The following PKIB variants were observed in gnomAD, a reference collection of about 807,000 sequenced individuals.
PKIB encodes PKI-beta.
PKIB carries 2 observed loss-of-function variants against 4.5 expected under a neutral mutation model. The ratio of observed to expected loss-of-function variants is 0.44; its 90% CI spans 0.18 to 1.39. PKIB has a LOEUF of 1.39. Among genes scored for constraint, PKIB ranks in the 40% most tolerant of loss-of-function variants. The probability of loss-of-function intolerance (pLI) is 0.27; values close to 1 mark genes in which losing one functional copy is unlikely to be tolerated. For missense variants in PKIB, 94 were observed against 92.6 expected (o/e 1.02, Z -0.06); for synonymous variants, 38 against 36.0 (o/e 1.06, Z -0.20).
chr6:122,659,514 G>A (rs1024674189), intron 2 of PKIB, among the ~76,000 whole-genome samples: 1 of 151,982 alleles, frequency 6.6e-6, no homozygotes, highest in South Asian at 2.1e-4. Context: ...CCCCACAAAA[G>A]TACTGAGTAA....
At chr6:122,598,102 G>C (rs1055247912) in intron 3 of PKIB, among the ~76,000 whole-genome samples, 3 of 152,176 alleles carry the variant, frequency 2.0e-5, no homozygotes, top group Admixed American at 6.5e-5. Context: ...TGGCAATGTA[G>C]TGGAGTCCTT....
At chr6:122,533,645 C>T (rs1362919156) in intron 2 of PKIB, among the ~76,000 whole-genome samples, 3 of 152,040 alleles carry the variant, frequency 2.0e-5, no homozygotes, top group East Asian at 1.9e-4. Flanking sequence ...AAAATCAATG[C>T]GAGAACAACT....
At chr6:122,668,969 C>T (rs1428152943) in intron 2 of PKIB, among the ~76,000 whole-genome samples, 1 of 152,206 alleles carries the variant, frequency 6.6e-6, no homozygotes, top group Non-Finnish European at 1.5e-5. Context: ...TATCCCAAAA[C>T]TTTAGGAGAC....
chr6:122,485,543 C>T (rs1199173517), intron 2 of PKIB, among the ~76,000 whole-genome samples: 1 of 152,166 alleles, frequency 6.6e-6, no homozygotes, highest in Non-Finnish European at 1.5e-5. Flanking sequence ...AGGATAGCAT[C>T]AGTCGTGTGT....
upstream of PKIB, among the ~76,000 whole-genome samples, chr6:122,606,571 C>CAAAAAAAAGA (rs10695767): frequency 8.4e-6 from 1 of 119,576 alleles, no homozygotes; most frequent in Non-Finnish European, 1.7e-5. Context: ...GACTCTGTCT[C>CAAAAAAAAGA]AAAAAAGAAA....
chr6:122,646,616 G>GA (rs897985265), intron 2 of PKIB, among the ~76,000 whole-genome samples: 4 of 152,214 alleles, frequency 2.6e-5, no homozygotes, highest in Admixed American at 1.3e-4. Flanking sequence ...TTCGATAGAG[G>GA]AAAAAATCCG....
chr6:122,591,387 A>G (rs1331558858), intron 3 of PKIB, among the ~76,000 whole-genome samples: 3 of 152,120 alleles, frequency 2.0e-5, no homozygotes, highest in African/African-American at 7.2e-5. Context: ...TCTATTCACC[A>G]TTCTTTGCAT....
intron 2 of PKIB, among the ~76,000 whole-genome samples, chr6:122,651,020 T>C (rs1386412532): frequency 6.6e-6 from 1 of 152,128 alleles, no homozygotes; most frequent in Admixed American, 6.6e-5. Context: ...TGGGATGATA[T>C]CAATAAATTC....
chr6:122,617,787 G>C (rs995576551), intron 1 of PKIB, among the ~76,000 whole-genome samples: 3 of 152,038 alleles, frequency 2.0e-5, no homozygotes, highest in African/African-American at 7.2e-5. Flanking sequence ...CATAAGGACT[G>C]TTAAAAAGAT....
At chr6:122,713,557 GTGT>G (rs2115060556) in intron 3 of PKIB, among the ~76,000 whole-genome samples, 1 of 152,216 alleles carries the variant, frequency 6.6e-6, no homozygotes, top group South Asian at 2.1e-4. Context: ...TGTGCAATCG[GTGT>G]TGTATAGAAA....
rs202212013 is a variant in PKIB, at chr6:122,719,716, TACACACACACAC to T, written c.169+1795_169+1806del. On this transcript the variant is annotated intron_variant, in intron 4 of 4. Coordinates refer to ENST00000368452, the MANE Select transcript of PKIB (RefSeq NM_181795.3). The stretch of plus-strand genomic sequence containing the variant: ...AGATTGTGAGTGTTCCCACCACACA[TACACACACACAC>T]ACACACACACACACACACACACACA... Among the ~76,000 whole-genome samples the T allele has an allele frequency of 9.3e-4, 124 of 132,892 alleles. 1 individual carries two copies. In the Middle Eastern group the frequency reaches 0.012, roughly 12 times the overall value. The allele number at this position is 132,892 out of a possible 152,430, so 87.2% of individuals were successfully genotyped here.
intron 2 of PKIB, among the ~76,000 whole-genome samples, chr6:122,503,762 C>A (rs1411294085): frequency 2.0e-5 from 3 of 152,132 alleles, no homozygotes; most frequent in African/African-American, 7.2e-5. Flanking sequence ...TGGTGAGACA[C>A]AGTGATTTTT....
At chr6:122,575,720 CG>C (rs1476175186) in intron 2 of PKIB, among the ~76,000 whole-genome samples, 1 of 152,010 alleles carries the variant, frequency 6.6e-6, no homozygotes, top group Non-Finnish European at 1.5e-5. Flanking sequence ...TAAGCTACAA[CG>C]ATGCAAAGGC....
chr6:122,613,703 T>C (rs1230180564), intron 1 of PKIB, among the ~76,000 whole-genome samples: 1 of 152,090 alleles, frequency 6.6e-6, no homozygotes, highest in Non-Finnish European at 1.5e-5. Flanking sequence ...TGGTGGCTCA[T>C]GCCTGTAATC....
chr6:122,520,322 A>G (rs1236697585), intron 2 of PKIB, among the ~76,000 whole-genome samples: 1 of 152,064 alleles, frequency 6.6e-6, no homozygotes, highest in Non-Finnish European at 1.5e-5. Flanking sequence ...ATTTACTGAT[A>G]CTCTAAGTTT....
chr6:122,590,818 G>A (rs2815591), intron 3 of PKIB, among the ~76,000 whole-genome samples: 59,877 of 151,852 alleles, frequency 0.39, 12,413 homozygotes, highest in South Asian at 0.58. Context: ...GTGGGGAGGT[G>A]ATGCATGCTT....
intron 3 of PKIB, among the ~76,000 whole-genome samples, chr6:122,707,316 C>T (rs537738452): frequency 7.3e-5 from 11 of 151,558 alleles, no homozygotes; most frequent in Admixed American, 3.3e-4. Context: ...TGTAAAGTAC[C>T]GAAGATAACT....
At chr6:122,717,261 C>T (rs1415389740) in intron 3 of PKIB, among the ~76,000 whole-genome samples, 1 of 152,092 alleles carries the variant, frequency 6.6e-6, no homozygotes, top group Non-Finnish European at 1.5e-5. Flanking sequence ...CAGACCAGAA[C>T]AGATCAAAAT....
At chr6:122,668,769 A>G (rs1468449660) in intron 2 of PKIB, among the ~76,000 whole-genome samples, 1 of 152,202 alleles carries the variant, frequency 6.6e-6, no homozygotes, top group Non-Finnish European at 1.5e-5. Context: ...CAGACTCCCA[A>G]ACTCTTTCTT....
Sources: gnomAD v4.1 joint callset for allele counts (sites outside exome capture counted in the v4.1 genomes callset) on GRCh38, gnomAD v4.1.1 for gene constraint, MANE v1.5 for transcripts, NCBI Gene and HGNC (gene_info 2026-07-23, HGNC 2026-07-21) for gene names.